The following DAO variants were observed in gnomAD, a reference collection of about 807,000 sequenced individuals.
DAO encodes the protein D-amino acid oxidase.
In DAO, 51 loss-of-function variants were observed where a neutral mutation model predicts 50.1. The ratio of observed to expected loss-of-function variants is 1.02; its 90% CI spans 0.81 to 1.29. The LOEUF (loss-of-function observed/expected upper bound fraction) is 1.29. Among genes scored for constraint, DAO ranks in the 50% most tolerant of loss-of-function variants. DAO has a pLI of 0.00. For missense variants in DAO, 436 were observed against 439.4 expected (o/e 0.99, Z 0.07); for synonymous variants, 160 against 166.2 (o/e 0.96, Z 0.29).
chr12:108,897,600 C>G (rs932758765), intron 8 of DAO, among the ~76,000 whole-genome samples: 9 of 151,800 alleles, frequency 5.9e-5, no homozygotes, highest in African/African-American at 2.2e-4. Context: ...CGTGAACATT[C>G]TTTTGGATGA....
chr12:108,893,002 A>C lies in DAO; in HGVS notation c.473A>C (p.Lys158Thr). ...LTERLTERGV[K>T]FFQRKVESFE... ...CCCAGGTTAACTGAGAGGGGAGTGA[A>C]GTTCTTCCAGCGGAAAGTGGAGTCT... Residue 158 changes from lysine to threonine, a missense_variant, in exon 6 of 11, where the codon AAG (lysine) becomes ACG (threonine). Coordinates refer to ENST00000228476, the MANE Select transcript of DAO (RefSeq NM_001917.5). The C allele has an allele frequency of 6.2e-7, 1 of 1,614,040 alleles. No homozygotes were observed. Among genetic ancestry groups the C allele is most frequent in the Non-Finnish European group, 8.5e-7 (1 of 1,179,976 alleles).
chr12:108,885,972 G>A (rs1180629715), intron 2 of DAO, among the ~76,000 whole-genome samples: 8 of 152,144 alleles, frequency 5.3e-5, no homozygotes, highest in Non-Finnish European at 7.3e-5. Context: ...GACTGGTCTC[G>A]AACTCCTGAC....
At chr12:108,899,985 G>T in intron 10 of DAO, 1 of 309,894 alleles carries the variant, frequency 3.2e-6, no homozygotes, top group Non-Finnish European at 6.2e-6. Flanking sequence ...TACTGGATGT[G>T]TACTTCGTGT....
chr12:108,884,073 A>G (rs905834808), intron 1 of DAO, among the ~76,000 whole-genome samples: 1 of 152,246 alleles, frequency 6.6e-6, no homozygotes, highest in African/African-American at 2.4e-5. Context: ...AGTAGCTTCA[A>G]GGTTAAAAGC....
chr12:108,886,044 G>A (rs900412714), intron 2 of DAO, among the ~76,000 whole-genome samples: 1 of 151,426 alleles, frequency 6.6e-6, no homozygotes, highest in Admixed American at 6.6e-5. Flanking sequence ...GAGCCATCAT[G>A]CCTTGCCAAA....
intron 1 of DAO, among the ~76,000 whole-genome samples, chr12:108,884,016 C>T (rs528553278): frequency 2.0e-5 from 3 of 152,376 alleles, no homozygotes; most frequent in Non-Finnish European, 4.4e-5. Context: ...TTCTCTTGTT[C>T]TGCCTCAGCA....
chr12:108,883,193 C>A (rs1328229619), intron 1 of DAO, among the ~76,000 whole-genome samples: 3 of 152,010 alleles, frequency 2.0e-5, no homozygotes, highest in Non-Finnish European at 4.4e-5. Flanking sequence ...GTTGCCCAGA[C>A]TGGAATGCAG....
At chr12:108,891,550 T>C (rs996918363) in intron 5 of DAO, among the ~76,000 whole-genome samples, 2 of 152,078 alleles carry the variant, frequency 1.3e-5, no homozygotes, top group South Asian at 2.1e-4. Flanking sequence ...GACCCCACTC[T>C]ATACCTGCTG....
chr12:108,881,004 C>G (rs1715317593), intron 1 of DAO, among the ~76,000 whole-genome samples: 1 of 152,116 alleles, frequency 6.6e-6, no homozygotes, highest in Non-Finnish European at 1.5e-5. Context: ...ACCTCAGTCC[C>G]AGCCTCCAGA....
At chr12:108,887,000 G>A (rs890843764) in intron 2 of DAO, among the ~76,000 whole-genome samples, 1 of 152,166 alleles carries the variant, frequency 6.6e-6, no homozygotes, top group South Asian at 2.1e-4. Flanking sequence ...ATTTAGCTGC[G>A]AGAGGGTCTA....
rs2039465111 is a variant in DAO at position 108,889,330 on chromosome 12, G to A, written c.310-139G>A. 6 of 617,004 alleles carry A rather than the reference G, an allele frequency of 9.7e-6. No homozygotes were observed. The Admixed American group carries it at 1.0e-4, about 10-fold the overall frequency. The allele number at this position is 617,004 out of a possible 1,614,324, so 38.2% of individuals were successfully genotyped here. A position where few individuals can be genotyped will look rare whatever the true frequency, so the allele number is the denominator to read the frequency against. On this transcript the variant is annotated intron_variant, in intron 3 of 10. Transcript: ENST00000228476. ...TCACCATGTTGGCCAGACTGGTCTGGAGCTCCTGACCTCAGGTGATCCACC... is the reference window on the plus strand; with the variant it reads ...TCACCATGTTGGCCAGACTGGTCTGAAGCTCCTGACCTCAGGTGATCCACC...
Position 108,899,479 on chromosome 12 carries a change from T to C in DAO, c.912+4T>C, listed in dbSNP as rs1308129275. Reference sequence around the variant, plus strand: ...CACTGGACCTTCAAACACAGAGGTATGCTCCCATGGCAAGGAAAGTAATGC... The same window carrying C: ...CACTGGACCTTCAAACACAGAGGTACGCTCCCATGGCAAGGAAAGTAATGC... On this transcript the variant is annotated splice_donor_region_variant and intron_variant, in intron 10 of 10. Transcript: ENST00000228476. 2 of 1,612,106 alleles carry C rather than the reference T, an allele frequency of 1.2e-6. 1 individual carries two copies. Among genetic ancestry groups the C allele is most frequent in the South Asian group, 2.2e-5 (2 of 90,798 alleles).
intron 6 of DAO, 85 bp downstream of exon 6, chr12:108,893,121 C>A: frequency 7.9e-7 from 1 of 1,271,344 alleles, no homozygotes; most frequent in Non-Finnish European, 1.1e-6. Context: ...GGGCTCCCTT[C>A]TCAGGCTCCT....
chr12:108,897,023 G>A lies in DAO; in HGVS notation c.630G>A (p.Met210Ile), dbSNP rs752844940. ...GQIMKVDAPW[M>I]KHFILTHDPE... ...ATCAACAGGTGGACGCCCCTTGGAT[G>A]AAGCACTTCATTCTCACCCATGACC... Residue 210 changes from methionine (M) to isoleucine (I), a missense_variant, in exon 8 of 11, where the codon ATG (methionine) becomes ATA (isoleucine). Transcript: ENST00000228476. 2 of 1,613,828 alleles carry A rather than the reference G, an allele frequency of 1.2e-6. No homozygotes were observed. Among genetic ancestry groups the A allele is most frequent in the East Asian group, 4.5e-5 (2 of 44,878 alleles).
At chr12:108,900,353 C>T in intron 10 of DAO, 51 bp from the exon 11 acceptor site, 7 of 1,608,316 alleles carry the variant, frequency 4.4e-6, no homozygotes, top group Non-Finnish European at 5.9e-6. Flanking sequence ...TTCATCTATT[C>T]TTTCCACTGT....
intron 10 of DAO, chr12:108,900,096 T>C (rs1464364553): frequency 2.6e-6 from 1 of 387,114 alleles, no homozygotes; most frequent in Admixed American, 3.7e-5. Flanking sequence ...ATGAGGAAAC[T>C]GGGGTGAATT....
intron 6 of DAO, 142 bp downstream of exon 6, chr12:108,893,178 G>T: frequency 1.4e-6 from 1 of 737,174 alleles, no homozygotes; most frequent in South Asian, 1.5e-5. Flanking sequence ...GAAGCACTCA[G>T]GTATTCTGAA....
At chr12:108,890,367 C>G in intron 5 of DAO, 94 bp downstream of exon 5, 1 of 977,230 alleles carries the variant, frequency 1.0e-6, no homozygotes, top group Non-Finnish European at 1.6e-6. Flanking sequence ...ATGGACTAAC[C>G]CCCAGGTTTG....
chr12:108,890,286 G>A lies in DAO; in HGVS notation c.452+13G>A, dbSNP rs756410816. Reference sequence around the variant, plus strand: ...GGCTGACTGAAAGGTGAGATTTTAAGCTTCACTTTGAGGGAGGTACCTCCC... The same window carrying A: ...GGCTGACTGAAAGGTGAGATTTTAAACTTCACTTTGAGGGAGGTACCTCCC... On this transcript the variant is annotated intron_variant, in intron 5 of 10. Coordinates refer to ENST00000228476, the MANE Select transcript of DAO (RefSeq NM_001917.5). 3 of 1,609,946 alleles carry A rather than the reference G, an allele frequency of 1.9e-6. No individual in the cohort carries two copies. The highest frequency in any genetic ancestry group is 1.1e-5 in the South Asian group (1 of 90,972).
Sources: gnomAD v4.1 joint callset for allele counts (sites outside exome capture counted in the v4.1 genomes callset) on GRCh38, gnomAD v4.1.1 for gene constraint, MANE v1.5 for transcripts, NCBI Gene and HGNC (gene_info 2026-07-23, HGNC 2026-07-21) for gene names.